The following MYO3A variants were observed in gnomAD, a reference collection of about 807,000 sequenced individuals.
MYO3A encodes the protein myosin-IIIa.
Under a neutral mutation model 192.7 loss-of-function variants are expected in MYO3A, and 180 were observed. That is an observed-to-expected ratio of 0.93 (90% CI 0.83 to 1.06). The LOEUF is 1.06. Among genes scored for constraint, MYO3A ranks in the 50% least tolerant of loss-of-function variants. The pLI is 0.00. For missense variants in MYO3A, 1,896 were observed against 1,905.0 expected (o/e 1.00, Z 0.09); for synonymous variants, 628 against 645.3 (o/e 0.97, Z 0.41).
chr10:25,973,098 T>A (rs531328111), intron 4 of MYO3A, among the ~76,000 whole-genome samples: 4,581 of 152,302 alleles, frequency 0.03, 214 homozygotes, highest in African/African-American at 0.1. Flanking sequence ...ATGACATTGA[T>A]TCTTTCCATC....
chr10:26,101,244 G>T lies in MYO3A; in HGVS notation c.1776+4562G>T, dbSNP rs528457554. ...CCCTGCATTTTTTTGTTTTCCATTT[G>T]CTTGGTGGATCTTCCTCCAAACCTT... On this transcript the variant is annotated intron_variant, in intron 17 of 34. Transcript: ENST00000642920. Among the ~76,000 whole-genome samples, 9 of 152,094 alleles carry T rather than the reference G, an allele frequency of 5.9e-5. No homozygotes were observed. The South Asian group carries it at 1.9e-3, about 32-fold the overall frequency.
At chr10:26,153,502 G>A (rs1282226657) in intron 23 of MYO3A, among the ~76,000 whole-genome samples, 2 of 152,158 alleles carry the variant, frequency 1.3e-5, no homozygotes, top group Non-Finnish European at 2.9e-5. Context: ...GTAAAGCTTA[G>A]CCTGTGTTAA....
chr10:26,170,486 C>A lies in MYO3A; in HGVS notation c.3345C>A (p.Thr1115=). 6.2e-7 allele frequency: 1 copy of A among 1,613,220 alleles called. No individual in the cohort carries two copies. The highest frequency in any genetic ancestry group is 8.5e-7 in the Non-Finnish European group (1 of 1,179,550). ...IVDMKNTAVT[T]IQTSDQEFDY... ...ACATGAAAAACACAGCAGTAACAAC[C>A]ATTCAAACTTCTGATCAGGAATTCG... Residue 1115 remains threonine, a synonymous_variant, in exon 29 of 35, where the codon ACC becomes ACA. Transcript: ENST00000642920.
chr10:25,982,315 G>A lies in MYO3A; in HGVS notation c.304-14175G>A, dbSNP rs116861589. On this transcript the variant is annotated intron_variant, in intron 4 of 34. Coordinates refer to ENST00000642920, the MANE Select transcript of MYO3A (RefSeq NM_017433.5). ...TGGTGGTCTTTCTCTACCCACTCTG[G>A]TAGCCAAAGAGGAAGGTCTTGGAAG... Among the ~76,000 whole-genome samples, 3 of 152,188 alleles carry A rather than the reference G, an allele frequency of 2.0e-5. No homozygotes were observed. In the East Asian group the frequency reaches 5.8e-4, roughly 29 times the overall value.
chr10:25,965,850 C>T (rs992986527), intron 4 of MYO3A, among the ~76,000 whole-genome samples: 3 of 151,940 alleles, frequency 2.0e-5, no homozygotes, highest in Admixed American at 6.6e-5. Context: ...CAATGCCTCA[C>T]AATTGCTGTG....
At chr10:26,185,422 C>T (rs960559501) in intron 31 of MYO3A, among the ~76,000 whole-genome samples, 1 of 145,920 alleles carries the variant, frequency 6.9e-6, no homozygotes, top group African/African-American at 2.5e-5. Flanking sequence ...TCACTGCAAC[C>T]TCTGCCCCCC....
chr10:26,176,891 C>T (rs1334398883), intron 31 of MYO3A, 46 bp downstream of exon 31: 4 of 1,596,978 alleles, frequency 2.5e-6, no homozygotes, highest in Non-Finnish European at 3.4e-6. Context: ...AAGGAAATGC[C>T]AGATACTTTG....
At chr10:25,979,719 G>T (rs933330702) in intron 4 of MYO3A, among the ~76,000 whole-genome samples, 1 of 152,104 alleles carries the variant, frequency 6.6e-6, no homozygotes, top group African/African-American at 2.4e-5. Flanking sequence ...AGGTAATTGT[G>T]TGTTTTCCCT....
At chr10:26,065,020 G>C (rs572107136) in intron 10 of MYO3A, among the ~76,000 whole-genome samples, 33 of 152,250 alleles carry the variant, frequency 2.2e-4, no homozygotes, top group African/African-American at 7.7e-4. Context: ...TTCAAGAACT[G>C]AAACTTGGGA....
At chr10:26,093,358 T>C (rs1836818875) in intron 15 of MYO3A, among the ~76,000 whole-genome samples, 1 of 152,232 alleles carries the variant, frequency 6.6e-6, no homozygotes, top group Middle Eastern at 3.2e-3. Flanking sequence ...GAGAAGTTTT[T>C]ATTATTTTGT....
chr10:26,071,236 C>T (rs12770526), intron 14 of MYO3A, among the ~76,000 whole-genome samples: 72,188 of 151,878 alleles, frequency 0.48, 17,945 homozygotes, highest in Middle Eastern at 0.59. Flanking sequence ...TGAGGCTACT[C>T]ATATATGGTT....
chr10:26,020,694 T>C (rs1248182575), intron 7 of MYO3A, among the ~76,000 whole-genome samples: 1 of 152,274 alleles, frequency 6.6e-6, no homozygotes, highest in Admixed American at 6.5e-5. Flanking sequence ...TTTGTGTTTA[T>C]TGATGTTAAT....
chr10:26,143,338 G>A, intron 20 of MYO3A, 110 bp from the exon 21 acceptor site: 1 of 1,172,830 alleles, frequency 8.5e-7, no homozygotes, highest in Non-Finnish European at 1.2e-6. Flanking sequence ...CACAAAAAAA[G>A]CAAGGTCAAA....
intron 4 of MYO3A, among the ~76,000 whole-genome samples, chr10:25,975,754 A>G (rs1243445655): frequency 6.6e-6 from 1 of 152,112 alleles, no homozygotes; most frequent in African/African-American, 2.4e-5. Context: ...AGTGAGTGCA[A>G]GTTCGTTAAA....
chr10:26,043,149 G>GTCTCTCTCTC (rs59621862), intron 10 of MYO3A, among the ~76,000 whole-genome samples: 4,030 of 143,294 alleles, frequency 0.028, 78 homozygotes, highest in Non-Finnish European at 0.035. Flanking sequence ...GCCAAACAGA[G>GTCTCTCTCTC]TCTCTCTCTC....
intron 15 of MYO3A, among the ~76,000 whole-genome samples, chr10:26,089,202 A>C (rs904423100): frequency 3.3e-5 from 5 of 152,212 alleles, no homozygotes; most frequent in Non-Finnish European, 7.3e-5. Context: ...ATTTAATGTA[A>C]GTGCCTTCAA....
rs539868900 is a variant in MYO3A at position 26,039,071 on chromosome 10, G to A, written c.953+12539G>A. Among the ~76,000 whole-genome samples, 5 of 151,788 alleles carry A rather than the reference G, an allele frequency of 3.3e-5. 1 individual carries two copies. The East Asian group carries it at 5.8e-4, about 18-fold the overall frequency. On this transcript the variant is annotated intron_variant, in intron 10 of 34. Coordinates refer to ENST00000642920, the MANE Select transcript of MYO3A (RefSeq NM_017433.5). The stretch of plus-strand genomic sequence containing the variant: ...TTTGTTTGTTTTGAGACGGAGTTTC[G>A]CTCTTGTTGCCCAGGCTGGAGTGCA...
chr10:25,978,834 A>G (rs1839122328), intron 4 of MYO3A, among the ~76,000 whole-genome samples: 1 of 152,178 alleles, frequency 6.6e-6, no homozygotes, highest in Admixed American at 6.5e-5. Flanking sequence ...TTAGATTTCT[A>G]TATTTATATT....
chr10:26,114,406 C>G (rs1838380450), intron 17 of MYO3A, among the ~76,000 whole-genome samples: 1 of 152,128 alleles, frequency 6.6e-6, no homozygotes, highest in Admixed American at 6.6e-5. Context: ...ATTCCCAAAA[C>G]AAAATCACTG....
Sources: allele counts gnomAD v4.1 joint callset (sites outside exome capture counted in the v4.1 genomes callset), GRCh38; gene constraint gnomAD v4.1.1; transcripts MANE v1.5; gene names NCBI Gene and HGNC (gene_info 2026-07-23, HGNC 2026-07-21).